TUFT1: variants seen among roughly 807,000 people sequenced by gnomAD.
TUFT1 encodes the protein tuftelin 1.
In TUFT1, 43 loss-of-function variants were observed where a neutral mutation model predicts 57.8. The observed-to-expected ratio is 0.74, with a 90% CI of 0.58 to 0.96. The LOEUF (loss-of-function observed/expected upper bound fraction) is 0.96. TUFT1 is among the 40% of genes least tolerant of loss of function. The probability of loss-of-function intolerance (pLI) is 0.00; values close to 1 mark genes in which losing one functional copy is unlikely to be tolerated. For synonymous variants in TUFT1, 166 were observed against 176.7 expected (o/e 0.94, Z 0.48); for missense variants, 459 against 489.0 (o/e 0.94, Z 0.58).
At chr1:151,541,298 C>T (rs894166143) in intron 1 of TUFT1, among the ~76,000 whole-genome samples, 17 of 152,186 alleles carry the variant, frequency 1.1e-4, no homozygotes, top group South Asian at 6.2e-4. Flanking sequence ...ACCCCTCTCT[C>T]CTCTTTCTCT....
intron 10 of TUFT1, among the ~76,000 whole-genome samples, 176 bp downstream of exon 10, chr1:151,579,002 TTTTG>T (rs1210837243): frequency 2.0e-5 from 3 of 152,198 alleles, no homozygotes; most frequent in Non-Finnish European, 2.9e-5. Context: ...TCCCCTACTG[TTTTG>T]TTTGTTTGTT....
At chr1:151,542,270 G>A (rs1446096636) in intron 1 of TUFT1, among the ~76,000 whole-genome samples, 1 of 151,556 alleles carries the variant, frequency 6.6e-6, no homozygotes, top group African/African-American at 2.4e-5. Context: ...GCCCAGGCTG[G>A]AGTGCAATGG....
intron 6 of TUFT1, among the ~76,000 whole-genome samples, chr1:151,568,408 G>A (rs1666147518): frequency 1.3e-5 from 2 of 152,026 alleles, no homozygotes; most frequent in Admixed American, 1.3e-4. Context: ...CTACATTGCT[G>A]TATTAAAATC....
In TUFT1 at chr1:151,583,265, A is replaced by G. The variant is rs12749; in HGVS notation, c.*1558A>G. The G allele has an allele frequency of 0.77, 116,554 of 152,084 alleles. 45,061 individuals are homozygous for G. The highest frequency in any genetic ancestry group is 0.9 in the South Asian group (4,331 of 4,834). 9.4% of individuals were successfully genotyped at this position (152,084 alleles called of 1,614,324 possible). ...GTTTTTCTTTAGGGCTCTTCCTACAACCTTGAGAAGTAGATAGGCATCAGA... is the reference window on the plus strand; with the variant it reads ...GTTTTTCTTTAGGGCTCTTCCTACAGCCTTGAGAAGTAGATAGGCATCAGA... On this transcript the variant is annotated 3_prime_UTR_variant, in exon 13 of 13. Coordinates refer to ENST00000368849, the MANE Select transcript of TUFT1 (RefSeq NM_020127.3).
chr1:151,569,406 G>A (rs1337819653), intron 6 of TUFT1, among the ~76,000 whole-genome samples: 1 of 152,154 alleles, frequency 6.6e-6, no homozygotes, highest in Admixed American at 6.5e-5. Flanking sequence ...AAATATTACT[G>A]AGCATGTCCT....
At chr1:151,566,580 A>C (rs1218216018) in intron 6 of TUFT1, among the ~76,000 whole-genome samples, 1 of 152,180 alleles carries the variant, frequency 6.6e-6, no homozygotes, top group African/African-American at 2.4e-5. Context: ...TGGCCTGGGC[A>C]TCAGGACTTT....
chr1:151,566,797 T>C (rs1236952445), intron 6 of TUFT1, among the ~76,000 whole-genome samples: 1 of 152,238 alleles, frequency 6.6e-6, no homozygotes, highest in Non-Finnish European at 1.5e-5. Flanking sequence ...GCTTGCTTTT[T>C]TTTTCTTAAC....
chr1:151,543,744 C>T (rs919651953), intron 1 of TUFT1, among the ~76,000 whole-genome samples: 2 of 152,054 alleles, frequency 1.3e-5, no homozygotes, highest in African/African-American at 4.8e-5. Flanking sequence ...GAGAGAGTAC[C>T]ATTGTCCCTT....
At chr1:151,549,863 A>G (rs1216195582) in intron 1 of TUFT1, among the ~76,000 whole-genome samples, 1 of 152,188 alleles carries the variant, frequency 6.6e-6, no homozygotes, top group African/African-American at 2.4e-5. Context: ...CTGGGACTGC[A>G]GGTGTGCACC....
intron 10 of TUFT1, 110 bp from the exon 11 acceptor site, chr1:151,579,539 C>A: frequency 1.0e-6 from 1 of 966,778 alleles, no homozygotes; most frequent in Non-Finnish European, 1.6e-6. Flanking sequence ...CTAATGAAGT[C>A]ATATGGAGTT....
chr1:151,568,998 C>T (rs1445795190), intron 6 of TUFT1, among the ~76,000 whole-genome samples: 4 of 152,166 alleles, frequency 2.6e-5, no homozygotes, highest in South Asian at 2.1e-4. Flanking sequence ...GCAGCAGAGA[C>T]GGGGGTGAGA....
chr1:151,569,597 C>T (rs1483513810), intron 6 of TUFT1, 60 bp from the exon 7 acceptor site: 2 of 1,451,322 alleles, frequency 1.4e-6, no homozygotes, highest in Non-Finnish European at 1.9e-6. Flanking sequence ...GAGGGGGGAC[C>T]TTTTCTTACT....
intron 1 of TUFT1, chr1:151,561,867 T>C (rs1665908110): frequency 6.7e-7 from 1 of 1,500,262 alleles, no homozygotes; most frequent in Non-Finnish European, 8.9e-7. Flanking sequence ...GTAATCTTTG[T>C]TGTGAAAGAA....
intron 4 of TUFT1, 33 bp downstream of exon 4, chr1:151,564,023 G>A: frequency 6.6e-7 from 1 of 1,526,080 alleles, no homozygotes; most frequent in African/African-American, 1.4e-5. Context: ...GCAGTGCCTA[G>A]GTCATTTCTC....
intron 1 of TUFT1, among the ~76,000 whole-genome samples, chr1:151,550,092 T>C (rs1665462897): frequency 6.6e-6 from 1 of 151,990 alleles, no homozygotes; most frequent in Non-Finnish European, 1.5e-5. Context: ...TCACTGCACC[T>C]CTCTCCTTAT....
chr1:151,565,905 AC>A (rs1440509993), intron 5 of TUFT1: 4 of 378,358 alleles, frequency 1.1e-5, no homozygotes, highest in Admixed American at 7.7e-5. Flanking sequence ...ACATCTCTCC[AC>A]CCCCTCTTGT....
rs1214979013 is a variant in TUFT1, at chr1:151,561,473, G to GCA, written c.61-586_61-585dup. Reference sequence around the variant, plus strand: ...AGGCTGCAGTCATGCGCGCGCGCGCGCACACACACACACACACACACACAC... The same window carrying GCA: ...AGGCTGCAGTCATGCGCGCGCGCGCGCACACACACACACACACACACACACAC... On this transcript the variant is annotated intron_variant, in intron 1 of 12. Coordinates refer to ENST00000368849, the MANE Select transcript of TUFT1 (RefSeq NM_020127.3). 3.1e-3 allele frequency: 1,058 copies of GCA among 337,462 alleles called. 15 individuals carry two copies. Among genetic ancestry groups the GCA allele is most frequent in the African/African-American group, 0.024 (958 of 39,738 alleles). The allele number at this position is 337,462 out of a possible 1,614,324, so 20.9% of individuals were successfully genotyped here. A position where few individuals can be genotyped will look rare whatever the true frequency, so the allele number is the denominator to read the frequency against.
rs188439082 is a variant in TUFT1, at chr1:151,546,121, T to C, written c.60+5695T>C. On this transcript the variant is annotated intron_variant, in intron 1 of 12. Coordinates refer to ENST00000368849, the MANE Select transcript of TUFT1 (RefSeq NM_020127.3). ...ATTTTTTTCATCCTCTCTCTCTTTT[T>C]CTTTTTCTTTTTTTGGATTTGTCTT... is the stretch of plus-strand genomic sequence containing the variant. 7.9e-5 allele frequency among the ~76,000 whole-genome samples: 12 copies of C among 152,150 alleles called. No homozygotes were observed. The East Asian group carries it at 2.3e-3, about 29-fold the overall frequency.
intron 5 of TUFT1, chr1:151,565,899 C>G: frequency 5.5e-6 from 2 of 364,166 alleles, no homozygotes; most frequent in Non-Finnish European, 1.0e-5. Flanking sequence ...CGCATAACAT[C>G]TCTCCACCCC....
Sources: gnomAD v4.1 joint callset for allele counts (sites outside exome capture counted in the v4.1 genomes callset) on GRCh38, gnomAD v4.1.1 for gene constraint, MANE v1.5 for transcripts, NCBI Gene and HGNC (gene_info 2026-07-23, HGNC 2026-07-21) for gene names.